Variants in DDHD2 observed in about 807,000 individuals in gnomAD.
DDHD2 encodes the protein triacylglycerol hydrolase DDHD2.
DDHD2 carries 62 observed loss-of-function variants against 91.2 expected under a neutral mutation model. The ratio of observed to expected loss-of-function variants is 0.68; its 90% confidence interval spans 0.55 to 0.84. DDHD2 has a LOEUF of 0.84. Ranked by LOEUF, DDHD2 falls within the 40% of genes least tolerant of loss-of-function variation. DDHD2 has a pLI of 0.00. For missense variants in DDHD2, 740 were observed against 846.9 expected (o/e 0.87, Z 1.57); for synonymous variants, 271 against 293.9 (o/e 0.92, Z 0.80).
In DDHD2 at chr8:38,242,390, G is replaced by C. The variant is rs751267010; in HGVS notation, c.848+5G>C. On this transcript the variant is annotated splice_donor_5th_base_variant and intron_variant, in intron 7 of 17. Coordinates refer to ENST00000397166, the MANE Select transcript of DDHD2 (RefSeq NM_015214.3). ...GCATTCTACTGGTGTGGATGTGTGAGTAATACTTAATACCTTCGAGTTGTT... is the reference window on the plus strand; with the variant it reads ...GCATTCTACTGGTGTGGATGTGTGACTAATACTTAATACCTTCGAGTTGTT... 1 of 1,608,374 alleles carries C rather than the reference G, an allele frequency of 6.2e-7. No individual in the cohort carries two copies. The highest frequency in any genetic ancestry group is 1.1e-5 in the South Asian group (1 of 89,322).
At chr8:38,256,984 T>G (rs1297855780) in intron 16 of DDHD2, among the ~76,000 whole-genome samples, 1 of 147,142 alleles carries the variant, frequency 6.8e-6, no homozygotes, top group Non-Finnish European at 1.5e-5. Context: ...AGTGCAGTGG[T>G]GCGATTATAG....
intron 15 of DDHD2, 97 bp from the exon 16 acceptor site, chr8:38,253,459 T>C (rs1806269496): frequency 2.8e-6 from 3 of 1,057,722 alleles, no homozygotes; most frequent in Non-Finnish European, 4.1e-6. Context: ...AGAGAGTAGC[T>C]CATTCTCTGG....
chr8:38,247,710 TA>T lies in DDHD2; in HGVS notation c.1126-2del. 1 of 1,487,438 alleles carries T rather than the reference TA, an allele frequency of 6.7e-7. No homozygotes were observed. Among genetic ancestry groups the T allele is most frequent in the Non-Finnish European group, 9.0e-7 (1 of 1,110,336 alleles). 92.1% of individuals were successfully genotyped at this position (1,487,438 alleles called of 1,614,324 possible). ...AATATGAGCTTTATAATTTAATTTT[TA>T]GGATTCGCTAAATATTGTAATGGAT... On this transcript the variant is annotated splice_acceptor_variant, in intron 9 of 17. Transcript: ENST00000397166. LOFTEE classifies it high-confidence loss of function.
downstream of DDHD2, chr8:38,267,667 G>A: frequency 4.8e-6 from 3 of 621,094 alleles, no homozygotes; most frequent in Non-Finnish European, 8.3e-6. Flanking sequence ...GACACTGACC[G>A]ACTGCTGTGG....
chr8:38,269,022 C>A, intron 1 of DDHD2: 1 of 1,544,048 alleles, frequency 6.5e-7, no homozygotes, highest in Non-Finnish European at 8.7e-7. Context: ...CAGAGCAGGT[C>A]GCCTGGCTTC....
chr8:38,266,186 C>T (rs1255061239), downstream of DDHD2: 2 of 1,613,960 alleles, frequency 1.2e-6, no homozygotes, highest in Non-Finnish European at 8.5e-7. Context: ...AGTGCAATCA[C>T]AGCTGCAAAA....
At position 38,269,186 on chromosome 8, in the gene DDHD2, G is replaced by A. The variant is rs751401210; in HGVS notation, n.88-1936G>A. ...TTCGGCCCCAAAGGCCACCGCCGCC[G>A]CCGCCTTCCCCATCCGGCCGCGAGC... On this transcript the variant is annotated intron_variant and non_coding_transcript_variant, in intron 1 of 1. Transcript: ENST00000526071. 6.7e-6 allele frequency: 10 copies of A among 1,502,444 alleles called. No individual in the cohort carries two copies. The highest frequency in any genetic ancestry group is 5.8e-5 in the African/African-American group (4 of 68,836). The allele number at this position is 1,502,444 out of a possible 1,614,324, so 93.1% of individuals were successfully genotyped here. A position where few individuals can be genotyped will look rare whatever the true frequency, so the allele number is the denominator to read the frequency against.
In DDHD2 at chr8:38,240,324, A is replaced by G; in HGVS notation, c.672A>G (p.Gly224=). Reference sequence around the variant, plus strand: ...TGGTTTTTGTAGTCCATGGGATTGGACCAGCTTGTGATCTCCGCTTTCGAA... The same window carrying G: ...TGGTTTTTGTAGTCCATGGGATTGGGCCAGCTTGTGATCTCCGCTTTCGAA... ...DHLVFVVHGI[G]PACDLRFRSI... Residue 224 remains glycine, a synonymous_variant, in exon 6 of 18, where the codon GGA becomes GGG. Coordinates refer to ENST00000397166, the MANE Select transcript of DDHD2 (RefSeq NM_015214.3). 1 of 1,610,980 alleles carries G rather than the reference A, an allele frequency of 6.2e-7. No individual in the cohort carries two copies. The highest frequency in any genetic ancestry group is 8.5e-7 in the Non-Finnish European group (1 of 1,177,698).
rs1469424024 is a variant in DDHD2, at chr8:38,253,536, T to C, written c.1892-20T>C. 6.2e-7 allele frequency: 1 copy of C among 1,603,440 alleles called. No individual in the cohort carries two copies. Among genetic ancestry groups the C allele is most frequent in the Admixed American group, 1.8e-5 (1 of 56,814 alleles). On this transcript the variant is annotated intron_variant, in intron 15 of 17. Transcript: ENST00000397166. ...AGGCCAAAAGGTTTTAGATTCTTATTATGGTTCTTCCATATCCAGATGTTA... is the reference window on the plus strand; with the variant it reads ...AGGCCAAAAGGTTTTAGATTCTTATCATGGTTCTTCCATATCCAGATGTTA...
chr8:38,232,983 TTA>T lies in DDHD2; in HGVS notation c.-8-3_-8-2del, dbSNP rs1436714163. ...TTTTCCTGATAGTTTTCTTTTGTCT[TTA>T]GAGAGCGAAATGTCATCAGTGCAGT... On this transcript the variant is annotated splice_acceptor_variant and splice_polypyrimidine_tract_variant and intron_variant, in intron 1 of 17. Transcript: ENST00000397166. LOFTEE classifies it low-confidence loss of function (5UTR_SPLICE). The T allele has an allele frequency of 6.2e-7, 1 of 1,612,200 alleles. No homozygotes were observed. The highest frequency in any genetic ancestry group is 1.3e-5 in the African/African-American group (1 of 74,826).
At chr8:38,239,500 A>G (rs909416313) in intron 5 of DDHD2, among the ~76,000 whole-genome samples, 1 of 151,000 alleles carries the variant, frequency 6.6e-6, no homozygotes, top group Admixed American at 6.6e-5. Flanking sequence ...TCTGGCTAAC[A>G]CGGTGAAACA....
At chr8:38,271,870 A>G (rs1049305741), downstream of DDHD2, 1 of 152,240 alleles carries the variant, frequency 6.6e-6, no homozygotes, top group Non-Finnish European at 1.5e-5. Context: ...CAACACCTTG[A>G]CTTCAAGGTG....
chr8:38,247,587 A>G (rs1445260730), intron 9 of DDHD2, 126 bp from the exon 10 acceptor site: 2 of 550,430 alleles, frequency 3.6e-6, no homozygotes, highest in Admixed American at 3.8e-5. Context: ...TATATCTTGC[A>G]TAAATGACAA....
chr8:38,236,961 G>T (rs1325378381), intron 3 of DDHD2, among the ~76,000 whole-genome samples: 1 of 151,954 alleles, frequency 6.6e-6, no homozygotes, highest in Non-Finnish European at 1.5e-5. Context: ...CACCACGCCT[G>T]GTCTAGAACA....
downstream of DDHD2, chr8:38,266,501 A>G (rs1563326131): frequency 3.7e-6 from 2 of 541,462 alleles, no homozygotes; most frequent in Non-Finnish European, 6.5e-6. Flanking sequence ...CCCGGGTTCA[A>G]GCGATTCTCC....
At position 38,247,780 on chromosome 8, in the gene DDHD2, A is replaced by C; in HGVS notation, c.1193A>C (p.Gln398Pro). 6.3e-7 allele frequency: 1 copy of C among 1,584,616 alleles called. No individual in the cohort carries two copies. Among genetic ancestry groups the C allele is most frequent in the Non-Finnish European group, 8.6e-7 (1 of 1,164,112 alleles). Residue 398 changes from glutamine to proline, a missense_variant, in exon 10 of 18, where the codon CAG (glutamine) becomes CCG (proline). Transcript: ENST00000397166. ...PTLEEDLKKL[Q>P]LSEFFDIFEK... ...CTAGAGGAAGATTTGAAGAAACTTCAGCTCTCTGAATTCTTTGATATCTTT... is the reference window on the plus strand; with the variant it reads ...CTAGAGGAAGATTTGAAGAAACTTCCGCTCTCTGAATTCTTTGATATCTTT...
Position 38,245,776 on chromosome 8 carries a change from C to G in DDHD2, c.883C>G (p.Arg295Gly). Residue 295 changes from arginine to glycine, a missense_variant, in exon 8 of 18, where the codon CGC becomes GGC. Arg to Gly is a moderately radical substitution (Grantham distance 125). This residue lies in a region of DDHD2 where 693 missense variants were observed against 764.2 expected (regional missense o/e 0.91). Transcript: ENST00000397166. ...GCGAATAACCCTGCCCAGCATTAAC[C>G]GCCTCAGGCACTTCACCAATGACAC... is the stretch of plus-strand genomic sequence containing the variant. ...LQRITLPSIN[R>G]LRHFTNDTIL... 2 of 1,614,086 alleles carry G rather than the reference C, an allele frequency of 1.2e-6. No individual in the cohort carries two copies. The highest frequency in any genetic ancestry group is 1.7e-6 in the Non-Finnish European group (2 of 1,180,006).
chr8:38,266,338 T>C, downstream of DDHD2: 1 of 1,595,744 alleles, frequency 6.3e-7, no homozygotes, highest in African/African-American at 1.3e-5. Flanking sequence ...TTTTAAGTGG[T>C]TTGTCTTTTA....
At chr8:38,241,874 CA>C (rs1249552013) in intron 6 of DDHD2, 1 of 169,092 alleles carries the variant, frequency 5.9e-6, no homozygotes, top group African/African-American at 2.4e-5. Context: ...GCCAACAGGA[CA>C]AAACCCCATC....
Sources: gnomAD v4.1 joint callset for allele counts (sites outside exome capture counted in the v4.1 genomes callset) on GRCh38, gnomAD v4.1.1 for gene constraint, gnomAD v4.1.1 regional missense constraint, MANE v1.5 for transcripts, NCBI Gene and HGNC (gene_info 2026-07-23, HGNC 2026-07-21) for gene names.